The following GOPC variants were observed in gnomAD, a reference collection of about 807,000 sequenced individuals.
The protein encoded by GOPC is golgi associated PDZ and coiled-coil motif containing, also known as Golgi-associated PDZ and coiled-coil motif-containing protein.
GOPC carries 32 observed loss-of-function variants against 51.2 expected under a neutral mutation model. The ratio of observed to expected loss-of-function variants is 0.63; its 90% CI spans 0.47 to 0.84. The LOEUF is 0.84. Ranked by LOEUF, GOPC falls within the 40% of genes least tolerant of loss-of-function variation. GOPC has a pLI of 0.00. For missense variants in GOPC, 441 were observed against 555.5 expected, an observed-to-expected ratio of 0.79 and a Z score of 2.07; for synonymous variants, 190 against 205.1, an observed-to-expected ratio of 0.93 and a Z score of 0.63.
chr6:117,583,559 T>C (rs1779989736), intron 1 of GOPC, among the ~76,000 whole-genome samples: 1 of 152,336 alleles, frequency 6.6e-6, no homozygotes, highest in Non-Finnish European at 1.5e-5. Context: ...GTCTGATCTT[T>C]TGTTTTTAGC....
At chr6:117,568,585 CTT>C (rs895078648) in intron 7 of GOPC, among the ~76,000 whole-genome samples, 2 of 152,192 alleles carry the variant, frequency 1.3e-5, no homozygotes, top group Admixed American at 1.3e-4. Flanking sequence ...TTAGATCTCT[CTT>C]GTCAGCTAAT....
chr6:117,598,132 G>T (rs1190611617), intron 1 of GOPC, among the ~76,000 whole-genome samples: 1 of 151,188 alleles, frequency 6.6e-6, no homozygotes, highest in Non-Finnish European at 1.5e-5. Context: ...GTTGAGGCAG[G>T]AGGATCTCTT....
chr6:117,562,805 T>C lies in GOPC; in HGVS notation c.*449A>G, dbSNP rs1003196305. 4 of 210,996 alleles carry C rather than the reference T, an allele frequency of 1.9e-5. No individual in the cohort carries two copies. Among genetic ancestry groups the C allele is most frequent in the East Asian group, 7.2e-5 (1 of 13,972 alleles). The allele number at this position is 210,996 out of a possible 1,614,324, so 13.1% of individuals were successfully genotyped here. ...GTCAAGCCTATATTTCTACAATTCA[T>C]TGAGTCAAGCTCTGTCTTCTGAAAT... On this transcript the variant is annotated 3_prime_UTR_variant, in exon 9 of 9. Coordinates refer to ENST00000368498, the MANE Select transcript of GOPC (RefSeq NM_020399.4).
At chr6:117,594,296 T>G (rs1780161406) in intron 1 of GOPC, among the ~76,000 whole-genome samples, 1 of 152,216 alleles carries the variant, frequency 6.6e-6, no homozygotes, top group Non-Finnish European at 1.5e-5. Flanking sequence ...CAATGTTGAA[T>G]GGCATTCCTA....
intron 1 of GOPC, among the ~76,000 whole-genome samples, chr6:117,599,258 T>C (rs1175375305): frequency 6.6e-6 from 1 of 152,220 alleles, no homozygotes; most frequent in Non-Finnish European, 1.5e-5. Flanking sequence ...ACGTTTGTCA[T>C]ATTAAACCAT....
At chr6:117,590,216 T>C (rs1780096009) in intron 1 of GOPC, among the ~76,000 whole-genome samples, 1 of 152,166 alleles carries the variant, frequency 6.6e-6, no homozygotes. Context: ...TGTACCACAA[T>C]CTGGGGACAA....
Position 117,570,849 on chromosome 6 carries a change from C to T in GOPC, c.912+11G>A. 7.4e-7 allele frequency: 1 copy of T among 1,343,686 alleles called. No homozygotes were observed. Among genetic ancestry groups the T allele is most frequent in the Non-Finnish European group, 1.0e-6 (1 of 955,934 alleles). 83.2% of individuals were successfully genotyped at this position (1,343,686 alleles called of 1,614,324 possible). ...ACTGTAGAAAATGATACTGGAAGTA[C>T]TACTTCTTACTGTAATTGAAATGCC... On this transcript the variant is annotated intron_variant, in intron 6 of 8. Coordinates refer to ENST00000368498, the MANE Select transcript of GOPC (RefSeq NM_020399.4).
intron 7 of GOPC, among the ~76,000 whole-genome samples, chr6:117,568,051 T>A (rs988502194): frequency 8.7e-4 from 127 of 145,796 alleles, no homozygotes; most frequent in African/African-American, 3.1e-3. Context: ...AAAAAAAAAT[T>A]AGCTGGCCAT....
intron 1 of GOPC, among the ~76,000 whole-genome samples, chr6:117,590,154 C>G (rs536172614): frequency 6.6e-6 from 1 of 152,244 alleles, no homozygotes; most frequent in South Asian, 2.1e-4. Flanking sequence ...AGCAGAACAC[C>G]AGATGCGTTT....
intron 8 of GOPC, among the ~76,000 whole-genome samples, chr6:117,563,695 C>A (rs567052353): frequency 2.9e-4 from 44 of 150,922 alleles, no homozygotes; most frequent in Non-Finnish European, 5.6e-4. Context: ...GCACTCTAGC[C>A]TGGGTGACAG....
intron 8 of GOPC, among the ~76,000 whole-genome samples, chr6:117,563,817 G>A (rs1221504302): frequency 6.6e-6 from 1 of 151,698 alleles, no homozygotes; most frequent in Non-Finnish European, 1.5e-5. Flanking sequence ...AGTAATCTGA[G>A]GCAAAAATAA....
At position 117,562,741 on chromosome 6, in the gene GOPC, AT is replaced by A; in HGVS notation, c.*512del. 9.6e-6 allele frequency: 2 copies of A among 207,410 alleles called. No individual in the cohort carries two copies. Among genetic ancestry groups the A allele is most frequent in the Non-Finnish European group, 9.8e-6 (1 of 101,546 alleles). The allele number at this position is 207,410 out of a possible 1,614,324, so 12.8% of individuals were successfully genotyped here. On this transcript the variant is annotated 3_prime_UTR_variant, in exon 9 of 9. Transcript: ENST00000368498. The stretch of plus-strand genomic sequence containing the variant: ...GTTTAGATTTTAGGATGCACAATAA[AT>A]TTTTTTAAGTCTAAAGCCTTTCAGT...
At chr6:117,589,709 G>A (rs1388920551) in intron 1 of GOPC, among the ~76,000 whole-genome samples, 1 of 152,128 alleles carries the variant, frequency 6.6e-6, no homozygotes, top group Non-Finnish European at 1.5e-5. Flanking sequence ...GAAACCAGTT[G>A]ATAAATCTGA....
At chr6:117,569,450 A>T in intron 7 of GOPC, 122 bp downstream of exon 7, 1 of 1,305,554 alleles carries the variant, frequency 7.7e-7, no homozygotes, top group East Asian at 2.7e-5. Context: ...ATTAAATCAA[A>T]GGAAACAAGA....
At chr6:117,579,832 C>T (rs1235072237) in intron 1 of GOPC, among the ~76,000 whole-genome samples, 1 of 151,878 alleles carries the variant, frequency 6.6e-6, no homozygotes, top group Non-Finnish European at 1.5e-5. Flanking sequence ...CAGAACTATG[C>T]CAGCACAATG....
At chr6:117,565,678 C>T (rs1244669211) in intron 8 of GOPC, among the ~76,000 whole-genome samples, 2 of 152,124 alleles carry the variant, frequency 1.3e-5, no homozygotes, top group African/African-American at 4.8e-5. Context: ...TGGTGATCAA[C>T]GTATGTTTTA....
At position 117,562,279 on chromosome 6, in the gene GOPC, G is replaced by C. The variant is rs926208967; in HGVS notation, c.*975C>G. The C allele has an allele frequency of 9.7e-6, 2 of 205,838 alleles. No homozygotes were observed. The highest frequency in any genetic ancestry group is 4.6e-5 in the African/African-American group (2 of 43,764). The allele number at this position is 205,838 out of a possible 1,614,324, so 12.8% of individuals were successfully genotyped here. On this transcript the variant is annotated 3_prime_UTR_variant, in exon 9 of 9. Coordinates refer to ENST00000368498, the MANE Select transcript of GOPC (RefSeq NM_020399.4). The stretch of plus-strand genomic sequence containing the variant: ...ATCTTGCCCACCTTTTAGATGACTG[G>C]AAATCATTTACTTAGAAAGAAAACT...
intron 8 of GOPC, among the ~76,000 whole-genome samples, chr6:117,565,388 A>C (rs1315053663): frequency 6.6e-6 from 1 of 152,204 alleles, no homozygotes; most frequent in Non-Finnish European, 1.5e-5. Context: ...CTGATATTAT[A>C]CAAAAATTTG....
rs778795904 is a variant in GOPC at position 117,578,918 on chromosome 6, A to G, written c.432T>C (p.Gly144=). 6.2e-7 allele frequency: 1 copy of G among 1,603,404 alleles called. No individual in the cohort carries two copies. The highest frequency in any genetic ancestry group is 8.5e-7 in the Non-Finnish European group (1 of 1,175,654). Residue 144 remains glycine (G), a synonymous_variant, in exon 2 of 9, where the codon GGT becomes GGC. Coordinates refer to ENST00000368498, the MANE Select transcript of GOPC (RefSeq NM_020399.4). ...TACTTACCAATTTTGCCTTAATGGTACCAGAGTCAGCACTTTGACCAGTTT... is the reference window on the plus strand; with the variant it reads ...TACTTACCAATTTTGCCTTAATGGTGCCAGAGTCAGCACTTTGACCAGTTT... ...HAKTGQSADS[G]TIKAKLSGPS...
Sources: gnomAD v4.1 joint callset for allele counts (sites outside exome capture counted in the v4.1 genomes callset) on GRCh38, gnomAD v4.1.1 for gene constraint, MANE v1.5 for transcripts, NCBI Gene and HGNC (gene_info 2026-07-23, HGNC 2026-07-21) for gene names.